Variants in CLSPN observed in about 807,000 individuals in gnomAD.
CLSPN encodes claspin.
In CLSPN, 85 loss-of-function variants were observed where a neutral mutation model predicts 156.3. That is an observed-to-expected ratio of 0.54 (90% confidence interval 0.46 to 0.65). The LOEUF is 0.65. Ranked by LOEUF, CLSPN falls within the 30% of genes least tolerant of loss-of-function variation. The pLI, the probability that CLSPN is intolerant of heterozygous loss-of-function variation, is 0.00. For synonymous variants in CLSPN, 534 were observed against 542.4 expected (o/e 0.98, Z 0.22); for missense variants, 1,407 against 1,554.9 (o/e 0.90, Z 1.60).
chr1:35,748,213 GA>G, intron 13 of CLSPN, 152 bp from the exon 14 acceptor site: 2 of 1,027,088 alleles, frequency 1.9e-6, no homozygotes, highest in Non-Finnish European at 2.9e-6. Flanking sequence ...GAAGCATAAA[GA>G]AAAATACCTC....
rs530319877 is a variant in CLSPN at position 35,746,092 on chromosome 1, C to T, written c.2855-530G>A. Among the ~76,000 whole-genome samples the T allele has an allele frequency of 4.7e-4, 72 of 152,134 alleles. No individual in the cohort carries two copies. The highest frequency in any genetic ancestry group is 1.7e-3 in the African/African-American group (69 of 41,508). ...TCCCAAGTAGCTGCGATTACAGGCA[C>T]GGGCCACCATGCCCAGATAATTTTT... On this transcript the variant is annotated intron_variant, in intron 15 of 24. Coordinates refer to ENST00000318121, the MANE Select transcript of CLSPN (RefSeq NM_022111.4). The surrounding 1 kb of genome is among the most constrained non-coding windows in gnomAD (Gnocchi z 4.2).
At chr1:35,742,604 C>T (rs1251419952) in intron 18 of CLSPN, among the ~76,000 whole-genome samples, 2 of 152,116 alleles carry the variant, frequency 1.3e-5, no homozygotes, top group African/African-American at 4.8e-5. Flanking sequence ...GTCTCAAACT[C>T]CTGACCTCAA....
Position 35,761,135 on chromosome 1 carries a change from G to T in CLSPN, c.965C>A (p.Pro322His). The change falls in exon 7 of 25, where the codon CCC becomes CAC. Residue 322 changes from proline to histidine, a missense_variant. By Grantham distance (77) the Pro-to-His change is moderately conservative. This residue lies in a region of CLSPN where 1,096 missense variants were observed against 1,193.0 expected (regional missense o/e 0.92). Coordinates refer to ENST00000318121, the MANE Select transcript of CLSPN (RefSeq NM_022111.4). Reference sequence around the variant, plus strand: ...GGCATTTCCGTGGCAAGTGGGCCGGGGTTTACGTTTGAAGAAATCATGAAT... The same window carrying T: ...GGCATTTCCGTGGCAAGTGGGCCGGTGTTTACGTTTGAAGAAATCATGAAT... ...KTIHDFFKRKPRPTCHGNAMA... is the reference protein window; with the variant it reads ...KTIHDFFKRKHRPTCHGNAMA... The T allele has an allele frequency of 6.2e-7, 1 of 1,613,644 alleles. No homozygotes were observed. The highest frequency in any genetic ancestry group is 8.5e-7 in the Non-Finnish European group (1 of 1,179,644).
At chr1:35,760,271 G>T in intron 8 of CLSPN, 71 bp downstream of exon 8, 2 of 1,229,188 alleles carry the variant, frequency 1.6e-6, no homozygotes, top group Non-Finnish European at 2.3e-6. Context: ...CTCTGTCCTC[G>T]ACAGTAGTCA....
At position 35,760,466 on chromosome 1, in the gene CLSPN, T is replaced by C; in HGVS notation, c.1455A>G (p.Pro485=). 6.2e-7 allele frequency: 1 copy of C among 1,614,226 alleles called. No homozygotes were observed. The part of the protein sequence containing the change: ...EQQNKSSAVG[P]PEKVRRFTLD... ...GAGTAAACCGTCTCACTTTTTCAGG[T>C]GGCCCAACTGCTGATGATTTATTTT... The change falls in exon 8 of 25, where the codon CCA becomes CCG. Residue 485 remains proline (P), a synonymous_variant. Transcript: ENST00000318121.
At position 35,749,472 on chromosome 1, in the gene CLSPN, T is replaced by C; in HGVS notation, c.2267A>G (p.Lys756Arg). The change falls in exon 12 of 25, where the codon AAA (lysine) becomes AGA (arginine). Residue 756 changes from lysine to arginine, a missense_variant. Lys to Arg is a conservative substitution (Grantham distance 26). Coordinates refer to ENST00000318121, the MANE Select transcript of CLSPN (RefSeq NM_022111.4). ...GCACAAGAATCACTACTTACCCAGT[T>C]TGCTAGGCTGCTTGCCTGAGTTTTC... ...TDENSGKQPS[K>R]LDEDDSCSLL... is the part of the protein sequence containing the mutation. The C allele has an allele frequency of 1.9e-6, 3 of 1,614,114 alleles. No homozygotes were observed. The highest frequency in any genetic ancestry group is 1.6e-4 in the Middle Eastern group (1 of 6,062).
rs746400660 is a variant in CLSPN, at chr1:35,748,077, AAACAAACAAT to A, written c.2473-26_2473-17del. The stretch of plus-strand genomic sequence containing the variant: ...TCCCTGAACTCTGGCACACAAACAA[AAACAAACAAT>A]AACAAAACATTTTACAAATGTCAGT... On this transcript the variant is annotated splice_polypyrimidine_tract_variant and intron_variant, in intron 13 of 24. Transcript: ENST00000318121. The A allele has an allele frequency of 5.2e-5, 83 of 1,590,924 alleles. No homozygotes were observed. Among genetic ancestry groups the A allele is most frequent in the Middle Eastern group, 3.3e-4 (2 of 5,974 alleles).
rs756927741 is a variant in CLSPN at position 35,745,543 on chromosome 1, T to G, written c.2874A>C (p.Ser958=). ...CCTTCTCCTGTTTATTTAACTCTGA[T>G]GAGGCTGGAGTGGAGGCATCTACAT... ...FTSQDASTPA[S]SELNKQEKES... Residue 958 remains serine (S), a synonymous_variant, in exon 16 of 25, where the codon TCA becomes TCC. Coordinates refer to ENST00000318121, the MANE Select transcript of CLSPN (RefSeq NM_022111.4). 1.2e-6 allele frequency: 2 copies of G among 1,613,670 alleles called. No homozygotes were observed. Among genetic ancestry groups the G allele is most frequent in the South Asian group, 2.2e-5 (2 of 91,072 alleles).
intron 14 of CLSPN, 24 bp downstream of exon 14, chr1:35,747,883 C>T (rs1243921076): frequency 1.2e-6 from 2 of 1,606,610 alleles, no homozygotes; most frequent in African/African-American, 2.7e-5. Context: ...CCATTCCCGC[C>T]CACAGAAACA....
chr1:35,739,431 T>C lies in CLSPN; in HGVS notation c.3242A>G (p.Glu1081Gly). Reference protein sequence around the residue: ...YDGEEIDEYEEDVIDEVLPSD... With the variant: ...YDGEEIDEYEGDVIDEVLPSD... Reference sequence around the variant, plus strand: ...AGGAAGTACTTCATCAATTACGTCCTCTTCATATTCATCAATTTCTTCCCC... The same window carrying C: ...AGGAAGTACTTCATCAATTACGTCCCCTTCATATTCATCAATTTCTTCCCC... Residue 1081 changes from glutamate to glycine, a missense_variant, in exon 19 of 25, where the codon GAG becomes GGG. Physicochemically the swap from Glu to Gly is moderately conservative, Grantham distance 98. Around this residue, in one of 3 missense-constraint regions of CLSPN, gnomAD observed 70 missense variants for 121.5 expected, o/e 0.58. Coordinates refer to ENST00000318121, the MANE Select transcript of CLSPN (RefSeq NM_022111.4). The C allele has an allele frequency of 6.2e-7, 1 of 1,614,094 alleles. No homozygotes were observed. Among genetic ancestry groups the C allele is most frequent in the Non-Finnish European group, 8.5e-7 (1 of 1,179,996 alleles).
chr1:35,740,600 G>A (rs762309389), intron 18 of CLSPN, among the ~76,000 whole-genome samples: 3 of 151,766 alleles, frequency 2.0e-5, no homozygotes, highest in Non-Finnish European at 4.4e-5. Flanking sequence ...TGTTTTTTTA[G>A]TAGAGATAGG....
rs764475216 is a variant in CLSPN, at chr1:35,769,903, G to A, written c.-33C>T. 4 of 1,606,504 alleles carry A rather than the reference G, an allele frequency of 2.5e-6. No homozygotes were observed. Among genetic ancestry groups the A allele is most frequent in the Non-Finnish European group, 3.4e-6 (4 of 1,176,288 alleles). ...GCCTCCCCTGCGCTCCACTAGGGACGGAGCTGTCTCTGATTCCCTCAGCCG... is the reference window on the plus strand; with the variant it reads ...GCCTCCCCTGCGCTCCACTAGGGACAGAGCTGTCTCTGATTCCCTCAGCCG... On this transcript the variant is annotated 5_prime_UTR_variant, in exon 1 of 25. Transcript: ENST00000318121.
chr1:35,768,130 G>A (rs1430998035), intron 1 of CLSPN, among the ~76,000 whole-genome samples: 1 of 152,204 alleles, frequency 6.6e-6, no homozygotes, highest in Non-Finnish European at 1.5e-5. Flanking sequence ...AGCACTTTGG[G>A]AGGCCGAGGT....
rs755853074 is a variant in CLSPN at position 35,749,750 on chromosome 1, T to G, written c.2090A>C (p.Lys697Thr). The G allele has an allele frequency of 9.3e-6, 15 of 1,614,110 alleles. No homozygotes were observed. The highest frequency in any genetic ancestry group is 1.3e-5 in the Non-Finnish European group (15 of 1,179,972). Residue 697 changes from lysine (K) to threonine (T), a missense_variant, in exon 11 of 25, where the codon AAA becomes ACA. By Grantham distance (78) the Lys-to-Thr change is moderately conservative. This residue lies in a region of CLSPN where 1,096 missense variants were observed against 1,193.0 expected (regional missense o/e 0.92). Transcript: ENST00000318121. Reference protein sequence around the residue: ...IETKDEKEMDKENNDGSSEIG... With the variant: ...IETKDEKEMDTENNDGSSEIG... ...TTCACTACTGCCATCATTATTTTCT[T>G]TATCCATTTCTTTTTCATCTTTTGT... is the stretch of plus-strand genomic sequence containing the variant.
At position 35,734,781 on chromosome 1, in the gene CLSPN, A is replaced by G. The variant is rs1397972637; in HGVS notation, c.*1715T>C. On this transcript the variant is annotated 3_prime_UTR_variant, in exon 25 of 25. Coordinates refer to ENST00000318121, the MANE Select transcript of CLSPN (RefSeq NM_022111.4). Reference sequence around the variant, plus strand: ...TTGCATCAATTAAATTGGTGTTCCCATCTCCCAGTAAAAAACTGGCACACT... The same window carrying G: ...TTGCATCAATTAAATTGGTGTTCCCGTCTCCCAGTAAAAAACTGGCACACT... The G allele has an allele frequency of 7.1e-6, 7 of 985,068 alleles. No individual in the cohort carries two copies. The highest frequency in any genetic ancestry group is 8.4e-6 in the Non-Finnish European group (7 of 829,736). The allele number at this position is 985,068 out of a possible 1,614,324, so 61.0% of individuals were successfully genotyped here.
At chr1:35,731,159 C>G (rs1641306954), downstream of CLSPN, among the ~76,000 whole-genome samples, 1 of 149,572 alleles carries the variant, frequency 6.7e-6, no homozygotes, top group African/African-American at 2.5e-5. Context: ...GAGATCGTAC[C>G]ACTGCATTCC....
intron 8 of CLSPN, among the ~76,000 whole-genome samples, chr1:35,758,807 T>C (rs1344764558): frequency 1.3e-5 from 2 of 150,736 alleles, no homozygotes; most frequent in African/African-American, 4.8e-5. Flanking sequence ...TTTTCTTTTT[T>C]TTTTTTTTTG....
chr1:35,724,782 C>T (rs534117926), intron 24 of CLSPN, among the ~76,000 whole-genome samples: 1 of 152,252 alleles, frequency 6.6e-6, no homozygotes, highest in African/African-American at 2.4e-5. Flanking sequence ...CAGATTGGAA[C>T]GAACATTATT....
intron 14 of CLSPN, 136 bp downstream of exon 14, chr1:35,747,771 T>C (rs1039822378): frequency 3.8e-6 from 3 of 779,390 alleles, no homozygotes; most frequent in Non-Finnish European, 6.1e-6. Context: ...TTATAGAATG[T>C]AATACTAATG....
Sources: allele counts gnomAD v4.1 joint callset (sites outside exome capture counted in the v4.1 genomes callset), GRCh38; gene constraint gnomAD v4.1.1; regional missense constraint gnomAD v4.1.1; non-coding constraint Gnocchi (gnomAD v3.1); transcripts MANE v1.5; gene names NCBI Gene and HGNC (gene_info 2026-07-23, HGNC 2026-07-21).